Variants in BIN2 observed in about 807,000 individuals in gnomAD.
The protein encoded by BIN2 is bridging integrator 2.
A neutral mutation model predicts 67.9 loss-of-function variants in BIN2; 43 were observed. The observed-to-expected ratio is 0.63, with a 90% CI of 0.50 to 0.82. The LOEUF (loss-of-function observed/expected upper bound fraction) is 0.82. Ranked by LOEUF, BIN2 falls within the 40% of genes least tolerant of loss-of-function variation. The probability of loss-of-function intolerance (pLI) is 0.00; values close to 1 mark genes in which losing one functional copy is unlikely to be tolerated. For missense variants in BIN2, 581 were observed against 671.6 expected (o/e 0.87, Z 1.49); for synonymous variants, 244 against 246.8 (o/e 0.99, Z 0.11).
In BIN2 at chr12:51,324,117, G is replaced by A; in HGVS notation, c.-15C>T. ...CCCTCTGCCATCCTGCCAACTCCCT[G>A]GGGGCCGCCGCCCTGGCCCCGCGCC... On this transcript the variant is annotated 5_prime_UTR_variant, in exon 1 of 13. Transcript: ENST00000615107. 6.2e-7 allele frequency: 1 copy of A among 1,611,872 alleles called. No homozygotes were observed. Among genetic ancestry groups the A allele is most frequent in the South Asian group, 1.1e-5 (1 of 90,960 alleles).
At chr12:51,294,981 GGAGTGCAGTGGCAT>G (rs1945497138) in intron 9 of BIN2, among the ~76,000 whole-genome samples, 1 of 152,038 alleles carries the variant, frequency 6.6e-6, no homozygotes, top group Admixed American at 6.6e-5. Context: ...CATCCAGGCT[GGAGTGCAGTGGCAT>G]GATCATAGCT....
At chr12:51,320,782 A>G (rs1294288069) in intron 1 of BIN2, among the ~76,000 whole-genome samples, 2 of 151,926 alleles carry the variant, frequency 1.3e-5, no homozygotes, top group African/African-American at 4.8e-5. Context: ...TCTGGGATTT[A>G]AGCTGAGTAG....
chr12:51,306,995 C>A (rs1275789190), intron 2 of BIN2, among the ~76,000 whole-genome samples: 2 of 152,012 alleles, frequency 1.3e-5, no homozygotes, highest in African/African-American at 4.8e-5. Context: ...TAAAAATGAA[C>A]AAGGCTTGGC....
Position 51,291,571 on chromosome 12 carries a change from C to G in BIN2, c.1515+20G>C. The G allele has an allele frequency of 6.4e-7, 1 of 1,551,454 alleles. No homozygotes were observed. Among genetic ancestry groups the G allele is most frequent in the Non-Finnish European group, 8.7e-7 (1 of 1,155,460 alleles). On this transcript the variant is annotated intron_variant, in intron 10 of 12. Coordinates refer to ENST00000615107, the MANE Select transcript of BIN2 (RefSeq NM_016293.4). ...TAAATAAATTAATTAAATTAAATAC[C>G]CAACCAGAACTACTCTTACCTGAGA...
intron 5 of BIN2, among the ~76,000 whole-genome samples, 187 bp from the exon 6 acceptor site, chr12:51,299,901 C>T (rs1298791479): frequency 2.0e-5 from 3 of 151,934 alleles, no homozygotes; most frequent in African/African-American, 4.8e-5. Flanking sequence ...TGCAGTTGTG[C>T]GATCTCAGCT....
upstream of BIN2, chr12:51,324,561 A>G (rs1345207743): frequency 1.3e-6 from 2 of 1,518,286 alleles, no homozygotes; most frequent in African/African-American, 1.4e-5. Flanking sequence ...CGAAGCCGCC[A>G]TGTACACTGC....
chr12:51,308,012 A>AGT lies in BIN2; in HGVS notation c.163-4873_163-4872dup, dbSNP rs146234703. On this transcript the variant is annotated intron_variant, in intron 2 of 12. Transcript: ENST00000615107. Reference sequence around the variant, plus strand: ...AAGATGAAGTATGAGTGTGAGAGTGAGTGTGTGTGTGTGTTGGTGGGGGTA... The same window carrying AGT: ...AAGATGAAGTATGAGTGTGAGAGTGAGTGTGTGTGTGTGTGTTGGTGGGGGTA... 3.0e-4 allele frequency among the ~76,000 whole-genome samples: 46 copies of AGT among 151,738 alleles called. 1 individual carries two copies. The South Asian group carries it at 6.2e-3, about 21-fold the overall frequency.
intron 7 of BIN2, among the ~76,000 whole-genome samples, chr12:51,297,838 G>GT (rs11409757): frequency 0.52 from 79,746 of 151,994 alleles, 21,087 homozygotes; most frequent in Non-Finnish European, 0.57. Context: ...ATTACAGTAA[G>GT]TAATTATTCT....
rs753374931 is a variant in BIN2 at position 51,299,666 on chromosome 12, G to A, written c.457C>T (p.Arg153Ter). 17 of 1,613,920 alleles carry A rather than the reference G, an allele frequency of 1.1e-5. No individual in the cohort carries two copies. The highest frequency in any genetic ancestry group is 5.0e-5 in the Admixed American group (3 of 59,986). ...TTCTGCACTGCCTCCAGGTGGTGTC[G>A]GGCACTGTCATAGTCCACGAGTTTC... ...GRKLVDYDSA[R>*]HHLEAVQNAK... Residue 153 changes from arginine to a stop codon, truncating the protein, a stop_gained, in exon 6 of 13, where the codon CGA (arginine) becomes TGA (stop). Coordinates refer to ENST00000615107, the MANE Select transcript of BIN2 (RefSeq NM_016293.4). LOFTEE classifies it high-confidence loss of function.
chr12:51,313,698 A>T (rs546226433), intron 2 of BIN2, 125 bp downstream of exon 2: 2 of 849,456 alleles, frequency 2.4e-6, no homozygotes, highest in Non-Finnish European at 3.9e-6. Context: ...TGTAGCCCTT[A>T]ACCCTAGGGG....
chr12:51,324,274 C>G, upstream of BIN2: 1 of 1,415,994 alleles, frequency 7.1e-7, no homozygotes, highest in Non-Finnish European at 9.2e-7. Context: ...CCACTGTCAG[C>G]TGGAGCAGGC....
rs774401820 is a variant in BIN2 at position 51,299,669 on chromosome 12, C to A, written c.454G>T (p.Ala152Ser). ...RGRKLVDYDS[A>S]RHHLEAVQNA... ...TGCACTGCCTCCAGGTGGTGTCGGGCACTGTCATAGTCCACGAGTTTCCGA... is the reference window on the plus strand; with the variant it reads ...TGCACTGCCTCCAGGTGGTGTCGGGAACTGTCATAGTCCACGAGTTTCCGA... The change falls in exon 6 of 13, where the codon GCC becomes TCC. Residue 152 changes from alanine to serine, a missense_variant. By Grantham distance (99) the Ala-to-Ser change is moderately conservative. Coordinates refer to ENST00000615107, the MANE Select transcript of BIN2 (RefSeq NM_016293.4). 2 of 1,614,094 alleles carry A rather than the reference C, an allele frequency of 1.2e-6. No homozygotes were observed. Among genetic ancestry groups the A allele is most frequent in the Non-Finnish European group, 1.7e-6 (2 of 1,180,026 alleles).
chr12:51,324,660 G>C (rs1180738868), upstream of BIN2: 2 of 916,504 alleles, frequency 2.2e-6, no homozygotes, highest in Non-Finnish European at 3.1e-6. Context: ...GCTTGAAAGA[G>C]AGAAACAGGC....
intron 7 of BIN2, among the ~76,000 whole-genome samples, chr12:51,297,535 C>G (rs1461766007): frequency 6.6e-6 from 1 of 152,066 alleles, no homozygotes; most frequent in Non-Finnish European, 1.5e-5. Context: ...CCACTGCACT[C>G]CAGCCTGGGC....
chr12:51,284,843 G>T, intron 11 of BIN2, 56 bp from the exon 12 acceptor site: 2 of 1,269,860 alleles, frequency 1.6e-6, no homozygotes, highest in Non-Finnish European at 2.3e-6. Flanking sequence ...CAGCCTCTCA[G>T]CATAGAAGTG....
At chr12:51,312,731 T>C (rs1175282644) in intron 2 of BIN2, among the ~76,000 whole-genome samples, 1 of 152,044 alleles carries the variant, frequency 6.6e-6, no homozygotes, top group Non-Finnish European at 1.5e-5. Flanking sequence ...AAAAAAAAGT[T>C]CATCAGATCT....
intron 1 of BIN2, among the ~76,000 whole-genome samples, chr12:51,320,637 T>C (rs76084186): frequency 8.5e-6 from 1 of 117,470 alleles, no homozygotes; most frequent in Non-Finnish European, 1.8e-5. Context: ...CATTATTCTT[T>C]TTTTTTTTTT....
chr12:51,297,808 A>G (rs1484504520), intron 7 of BIN2, among the ~76,000 whole-genome samples: 1 of 149,486 alleles, frequency 6.7e-6, no homozygotes, highest in Non-Finnish European at 1.5e-5. Flanking sequence ...ATATAAATAT[A>G]AGGCTATCTA....
At chr12:51,281,775 G>A (rs755749259) in intron 12 of BIN2, among the ~76,000 whole-genome samples, 1 of 151,450 alleles carries the variant, frequency 6.6e-6, no homozygotes, top group Non-Finnish European at 1.5e-5. Flanking sequence ...TTCTTTTTGA[G>A]ACATAGTCTT....
Sources: gnomAD v4.1 joint callset for allele counts (sites outside exome capture counted in the v4.1 genomes callset) on GRCh38, gnomAD v4.1.1 for gene constraint, MANE v1.5 for transcripts, NCBI Gene and HGNC (gene_info 2026-07-23, HGNC 2026-07-21) for gene names.